ARK2C: variants seen among roughly 807,000 people sequenced by gnomAD.
ARK2C encodes E3 ubiquitin-protein ligase ARK2C.
chr18:46,427,450 G>A, the ARK2C span, among the ~76,000 whole-genome samples: 1 of 152,170 alleles, frequency 6.6e-6, no homozygotes, highest in African/African-American at 2.4e-5. Context: ...GGGCTGCTGC[G>A]AGGCAGGCAG....
the ARK2C span, among the ~76,000 whole-genome samples, chr18:46,350,917 G>A: frequency 6.6e-6 from 1 of 152,230 alleles, no homozygotes; most frequent in Non-Finnish European, 1.5e-5. Context: ...GGAGAAGAGG[G>A]CCGGGTTTAA....
chr18:46,370,953 A>G, the ARK2C span, among the ~76,000 whole-genome samples: 1 of 152,184 alleles, frequency 6.6e-6, no homozygotes, highest in South Asian at 2.1e-4. Flanking sequence ...CACACTGCTA[A>G]TAAAGACGTA....
chr18:46,433,330 A>ATGGCCC, the ARK2C span: 1 of 1,612,232 alleles, frequency 6.2e-7, no homozygotes, highest in Non-Finnish European at 8.5e-7. Context: ...CAGCGCCCAC[A>ATGGCCC]TGGCCCCGGC....
the ARK2C span, among the ~76,000 whole-genome samples, chr18:46,407,289 G>A: frequency 6.6e-6 from 1 of 152,054 alleles, no homozygotes; most frequent in Non-Finnish European, 1.5e-5. Context: ...CAGTCTTTTG[G>A]GGTAAGATTC....
the ARK2C span, among the ~76,000 whole-genome samples, chr18:46,428,154 T>C: frequency 6.6e-6 from 1 of 151,792 alleles, no homozygotes; most frequent in East Asian, 1.9e-4. Flanking sequence ...CTCACGTCTG[T>C]AATCCCAGCA....
the ARK2C span, among the ~76,000 whole-genome samples, chr18:46,367,201 C>T: frequency 6.6e-6 from 1 of 152,134 alleles, no homozygotes; most frequent in South Asian, 2.1e-4. Context: ...CAATATTTAG[C>T]TTCTTATTCA....
chr18:46,440,077 C>G, the ARK2C span, among the ~76,000 whole-genome samples: 1 of 152,160 alleles, frequency 6.6e-6, no homozygotes, highest in Admixed American at 6.5e-5. Flanking sequence ...ATATACCCGC[C>G]TCGGACTCTC....
the ARK2C span, among the ~76,000 whole-genome samples, chr18:46,438,210 C>G: frequency 9.2e-5 from 14 of 152,214 alleles, no homozygotes; most frequent in Non-Finnish European, 1.9e-4. Context: ...TCCTGTGACC[C>G]CTTTAGACAC....
At chr18:46,400,122 T>A in the ARK2C span, among the ~76,000 whole-genome samples, 1 of 152,132 alleles carries the variant, frequency 6.6e-6, no homozygotes, top group African/African-American at 2.4e-5. Context: ...TCCTGGCGGG[T>A]GTCCTGCTCC....
the ARK2C span, among the ~76,000 whole-genome samples, chr18:46,347,189 C>G: frequency 6.6e-6 from 1 of 152,206 alleles, no homozygotes; most frequent in Non-Finnish European, 1.5e-5. Context: ...CAGCCCTGCT[C>G]CCTGCGCCTC....
the ARK2C span, among the ~76,000 whole-genome samples, chr18:46,428,892 A>T: frequency 1.3e-5 from 2 of 152,194 alleles, no homozygotes; most frequent in Non-Finnish European, 2.9e-5. Flanking sequence ...GTGCTGGGTG[A>T]GAGTCTTGAC....
At chr18:46,344,900 A>G in the ARK2C span, among the ~76,000 whole-genome samples, 10 of 152,198 alleles carry the variant, frequency 6.6e-5, no homozygotes, top group Non-Finnish European at 1.2e-4. Context: ...AGAGTTCCTC[A>G]TCTTGGACAC....
At chr18:46,350,891 G>C in the ARK2C span, among the ~76,000 whole-genome samples, 1 of 152,204 alleles carries the variant, frequency 6.6e-6, no homozygotes, top group African/African-American at 2.4e-5. Flanking sequence ...TCATCAGATG[G>C]GCCCATTACC....
the ARK2C span, among the ~76,000 whole-genome samples, chr18:46,420,292 C>G: frequency 6.6e-6 from 1 of 152,134 alleles, no homozygotes; most frequent in East Asian, 1.9e-4. Flanking sequence ...AGGCTTGGGG[C>G]AGAACAGAGG....
chr18:46,383,798 A>G, the ARK2C span, among the ~76,000 whole-genome samples: 20 of 151,668 alleles, frequency 1.3e-4, no homozygotes, highest in East Asian at 7.8e-4. Flanking sequence ...TGATCCGCCC[A>G]CCTTGGCCTC....
At chr18:46,445,516 T>C in the ARK2C span, among the ~76,000 whole-genome samples, 5 of 152,312 alleles carry the variant, frequency 3.3e-5, no homozygotes, top group Middle Eastern at 6.8e-3. Flanking sequence ...CTCAAGGGAA[T>C]CTCCGTGCAG....
the ARK2C span, among the ~76,000 whole-genome samples, chr18:46,384,874 T>A: frequency 6.6e-6 from 1 of 152,052 alleles, no homozygotes; most frequent in East Asian, 1.9e-4. Context: ...TAAAACAAAA[T>A]TAAATATAAA....
the ARK2C span, chr18:46,334,125 GCCGCCGCCCCA>G: frequency 2.8e-5 from 6 of 211,360 alleles, no homozygotes; most frequent in East Asian, 1.9e-4. This position sits in a 1 kb window ranked among gnomAD's most constrained non-coding sequence, Gnocchi z 4.4. Flanking sequence ...CTCCCCGCCA[GCCGCCGCCCCA>G]CCGCCGCCCG....
At chr18:46,432,065 G>A in the ARK2C span, among the ~76,000 whole-genome samples, 2 of 152,090 alleles carry the variant, frequency 1.3e-5, no homozygotes, top group Admixed American at 1.3e-4. Flanking sequence ...CATTTTAGTG[G>A]GTATTGGGAG....
Sources: allele counts gnomAD v4.1 joint callset (sites outside exome capture counted in the v4.1 genomes callset), GRCh38; gene constraint gnomAD v4.1.1; non-coding constraint Gnocchi (gnomAD v3.1); transcripts MANE v1.5; gene names NCBI Gene and HGNC (gene_info 2026-07-23, HGNC 2026-07-21).